The following LPIN2 variants were observed in gnomAD, a reference collection of about 807,000 sequenced individuals.
LPIN2 encodes the protein lipin 2.
LPIN2 carries 55 observed loss-of-function variants against 111.4 expected under a neutral mutation model. The observed-to-expected ratio is 0.49, with a 90% CI of 0.40 to 0.62. LPIN2 has a LOEUF of 0.62. Ranked by LOEUF, LPIN2 falls within the 20% of genes least tolerant of loss-of-function variation. LPIN2 has a pLI of 0.00. For missense variants in LPIN2, 992 were observed against 1,112.1 expected, an observed-to-expected ratio of 0.89 and a Z score of 1.54; for synonymous variants, 425 against 414.0, an observed-to-expected ratio of 1.03 and a Z score of -0.32.
chr18:3,012,793 C>T (rs1028359579), intron 1 of LPIN2, among the ~76,000 whole-genome samples: 1 of 151,918 alleles, frequency 6.6e-6, no homozygotes, highest in African/African-American at 2.4e-5. Flanking sequence ...CAGCAGCCAC[C>T]ACTGACGCCC....
chr18:2,999,084 A>G (rs2078389319), intron 1 of LPIN2, among the ~76,000 whole-genome samples: 1 of 152,244 alleles, frequency 6.6e-6, no homozygotes, highest in Non-Finnish European at 1.5e-5. Flanking sequence ...CTAACTAGAC[A>G]TCCTGTTAAA....
intron 1 of LPIN2, chr18:2,990,765 A>G: frequency 2.8e-6 from 1 of 355,706 alleles, no homozygotes; most frequent in Non-Finnish European, 5.6e-6. Context: ...GGATGGAAGA[A>G]CAGGCTCAGA....
At position 2,921,572 on chromosome 18, in the gene LPIN2, A is replaced by T; in HGVS notation, c.2403T>A (p.Ser801=). ...CAAAGGCAGCATAGAAGGGCTGCTT[A>T]GACGGGGCAAACAGATTCTTGATAT... ...LNDIKNLFAP[S]KQPFYAAFGN... Residue 801 remains serine, a synonymous_variant, in exon 18 of 20, where the codon TCT becomes TCA. Transcript: ENST00000677752. The T allele has an allele frequency of 1.9e-6, 3 of 1,614,186 alleles. No individual in the cohort carries two copies. Among genetic ancestry groups the T allele is most frequent in the Non-Finnish European group, 2.5e-6 (3 of 1,180,018 alleles).
chr18:2,982,631 A>G, intron 1 of LPIN2: 1 of 1,011,678 alleles, frequency 9.9e-7, no homozygotes, highest in Non-Finnish European at 1.4e-6. Context: ...TTGAGCAAGC[A>G]GCGAAGGGAG....
chr18:2,971,090 C>G (rs2077901062), intron 1 of LPIN2, among the ~76,000 whole-genome samples: 1 of 152,160 alleles, frequency 6.6e-6, no homozygotes, highest in South Asian at 2.1e-4. Context: ...TAAGGAAGGA[C>G]CATAAACATC....
At chr18:2,936,734 C>A (rs1271704247) in intron 7 of LPIN2, among the ~76,000 whole-genome samples, 1 of 152,140 alleles carries the variant, frequency 6.6e-6, no homozygotes, top group Non-Finnish European at 1.5e-5. Context: ...TGAACGCCAC[C>A]ATGCCAGGCT....
intron 1 of LPIN2, among the ~76,000 whole-genome samples, chr18:3,009,720 C>T (rs371886813): frequency 6.6e-6 from 1 of 152,096 alleles, no homozygotes; most frequent in African/African-American, 2.4e-5. Context: ...GGATTACAGG[C>T]GTGAACCACC....
intron 1 of LPIN2, among the ~76,000 whole-genome samples, chr18:2,975,467 C>T (rs2077996900): frequency 1.3e-5 from 2 of 152,002 alleles, no homozygotes; most frequent in African/African-American, 2.4e-5. Context: ...CTCGAGTAGC[C>T]GGGACTACAG....
chr18:3,004,418 C>A (rs761985594), intron 1 of LPIN2, among the ~76,000 whole-genome samples: 2 of 152,070 alleles, frequency 1.3e-5, no homozygotes, highest in Admixed American at 1.3e-4. Context: ...TTTCTCAGAC[C>A]GGCCAACACT....
chr18:3,012,833 C>G (rs1327053175), intron 1 of LPIN2, among the ~76,000 whole-genome samples: 1 of 151,802 alleles, frequency 6.6e-6, no homozygotes, highest in Non-Finnish European at 1.5e-5. Context: ...CGCACCCCGC[C>G]GGTCCGTCCT....
At chr18:2,929,836 G>A (rs1023889038) in intron 9 of LPIN2, among the ~76,000 whole-genome samples, 1 of 152,188 alleles carries the variant, frequency 6.6e-6, no homozygotes, top group Non-Finnish European at 1.5e-5. Flanking sequence ...CTTGAACCCA[G>A]GAGATGGAGG....
chr18:2,995,901 T>C (rs774641225), intron 1 of LPIN2, among the ~76,000 whole-genome samples: 1 of 152,166 alleles, frequency 6.6e-6, no homozygotes, highest in Non-Finnish European at 1.5e-5. Flanking sequence ...GCAAAGTACA[T>C]TTCATTGTGT....
At chr18:2,931,621 GA>G (rs2077215220) in intron 8 of LPIN2, among the ~76,000 whole-genome samples, 178 bp from the exon 9 acceptor site, 1 of 152,182 alleles carries the variant, frequency 6.6e-6, no homozygotes, top group Non-Finnish European at 1.5e-5. Context: ...TAAATGACAT[GA>G]AAGATAACCT....
Position 2,952,243 on chromosome 18 carries a change from ATGGTGAAACCC to A in LPIN2, c.289-898_289-888del, listed in dbSNP as rs557250633. On this transcript the variant is annotated intron_variant, in intron 3 of 19. Coordinates refer to ENST00000677752, the MANE Select transcript of LPIN2 (RefSeq NM_001375808.2). ...GGAGTTTGAGACCAGCCTGGCTAAC[ATGGTGAAACCC>A]TGTCTCTACTAAAAATACAAAATTA... Among the ~76,000 whole-genome samples the A allele has an allele frequency of 3.8e-3, 580 of 152,326 alleles. 3 individuals are homozygous for A. In the Middle Eastern group the frequency reaches 0.061, roughly 16 times the overall value.
chr18:2,987,382 A>G (rs2078202257), intron 1 of LPIN2, among the ~76,000 whole-genome samples: 1 of 152,254 alleles, frequency 6.6e-6, no homozygotes, highest in African/African-American at 2.4e-5. Context: ...AAACAGCAAC[A>G]AACAACAAAT....
At chr18:2,938,111 A>G in intron 6 of LPIN2, 74 bp from the exon 7 acceptor site, 6 of 1,134,406 alleles carry the variant, frequency 5.3e-6, no homozygotes, top group Middle Eastern at 2.8e-4. Flanking sequence ...TAAGCTGGCA[A>G]TGTGTTCATT....
At chr18:3,003,506 T>C (rs369440448) in intron 1 of LPIN2, among the ~76,000 whole-genome samples, 7 of 152,250 alleles carry the variant, frequency 4.6e-5, no homozygotes, top group East Asian at 3.8e-4. Context: ...GAAGATTTCA[T>C]GGACATTTAT....
intron 1 of LPIN2, chr18:2,985,301 T>C (rs2078172056): frequency 6.6e-6 from 1 of 152,174 alleles, no homozygotes; most frequent in Non-Finnish European, 1.5e-5. Context: ...ATGTTAAAAA[T>C]CACAACCAAC....
chr18:2,937,063 C>G (rs1222177024), intron 7 of LPIN2, among the ~76,000 whole-genome samples: 3 of 152,158 alleles, frequency 2.0e-5, no homozygotes, highest in African/African-American at 7.2e-5. Flanking sequence ...CTTCACTTTA[C>G]TGACATACCT....
Sources: gnomAD v4.1 joint callset for allele counts (sites outside exome capture counted in the v4.1 genomes callset) on GRCh38, gnomAD v4.1.1 for gene constraint, MANE v1.5 for transcripts, NCBI Gene and HGNC (gene_info 2026-07-23, HGNC 2026-07-21) for gene names.